SOS1: variants seen among roughly 807,000 people sequenced by gnomAD.
SOS1 encodes the protein SOS Ras/Rac guanine nucleotide exchange factor 1.
Under a neutral mutation model 157.6 loss-of-function variants are expected in SOS1, and 25 were observed. The ratio of observed to expected loss-of-function variants is 0.16; its 90% CI spans 0.12 to 0.22. The LOEUF (loss-of-function observed/expected upper bound fraction) is 0.22. Among genes scored for constraint, SOS1 ranks in the 10% least tolerant of loss-of-function variants. The pLI is 1.00. For missense variants in SOS1, 1,237 were observed against 1,599.1 expected, an observed-to-expected ratio of 0.77 and a Z score of 3.86; for synonymous variants, 528 against 534.0, an observed-to-expected ratio of 0.99 and a Z score of 0.16.
intron 17 of SOS1, among the ~76,000 whole-genome samples, chr2:39,006,178 A>AC (rs1669277614): frequency 1.3e-5 from 2 of 152,210 alleles, no homozygotes; most frequent in African/African-American, 4.8e-5. Context: ...ATATAAAAAC[A>AC]CAAGTATTAA....
At chr2:39,010,736 C>G (rs372029633) in intron 14 of SOS1, 33 bp from the exon 15 acceptor site, 3 of 1,557,504 alleles carry the variant, frequency 1.9e-6, no homozygotes, top group Non-Finnish European at 2.7e-6. Flanking sequence ...CTACATGACA[C>G]TTTTTTCTCT....
intron 1 of SOS1, among the ~76,000 whole-genome samples, chr2:39,117,760 CGGA>C (rs1673708496): frequency 6.6e-6 from 1 of 151,958 alleles, no homozygotes. Flanking sequence ...TTAGAGAAGT[CGGA>C]GGAGGAATAG....
At position 39,022,973 on chromosome 2, in the gene SOS1, A is replaced by G. The variant is rs1572830513; in HGVS notation, c.1455T>C (p.Asn485=). 1 of 1,613,848 alleles carries G rather than the reference A, an allele frequency of 6.2e-7. No individual in the cohort carries two copies. The highest frequency in any genetic ancestry group is 8.5e-7 in the Non-Finnish European group (1 of 1,179,836). ...HGQPRLPGAS[N]AEYRLKEKFF... ...ACTTTTCTTTAAGACGATATTCTGCATTGCTAGCACCAGGAAGTCTTGGCT... is the reference window on the plus strand; with the variant it reads ...ACTTTTCTTTAAGACGATATTCTGCGTTGCTAGCACCAGGAAGTCTTGGCT... The change falls in exon 10 of 23, where the codon AAT becomes AAC. Residue 485 remains asparagine (N), a synonymous_variant. Transcript: ENST00000402219.
chr2:38,984,082 A>G lies in SOS1; in HGVS notation c.*1742T>C, dbSNP rs1246967113. The G allele has an allele frequency of 6.6e-6, 1 of 152,122 alleles. No individual in the cohort carries two copies. The highest frequency in any genetic ancestry group is 2.1e-4 in the South Asian group (1 of 4,832). The allele number at this position is 152,122 out of a possible 1,614,324, so 9.4% of individuals were successfully genotyped here. ...TACATTTTATGCTCTAATAAATATC[A>G]TAGGAAATTATTAAAGTACTAGGTT... On this transcript the variant is annotated 3_prime_UTR_variant, in exon 23 of 23. Coordinates refer to ENST00000402219, the MANE Select transcript of SOS1 (RefSeq NM_005633.4).
At position 39,051,284 on chromosome 2, in the gene SOS1, C is replaced by T; in HGVS notation, c.724G>A (p.Val242Ile). 6.2e-7 allele frequency: 1 copy of T among 1,610,820 alleles called. No individual in the cohort carries two copies. Among genetic ancestry groups the T allele is most frequent in the Non-Finnish European group, 8.5e-7 (1 of 1,177,394 alleles). The change falls in exon 6 of 23, where the codon GTA (valine) becomes ATA (isoleucine). Residue 242 changes from valine (V) to isoleucine (I), a missense_variant. Val to Ile is a conservative substitution (Grantham distance 29, BLOSUM62 3). This residue lies in a region of SOS1 where 108 missense variants were observed against 115.3 expected (regional missense o/e 0.94). Coordinates refer to ENST00000402219, the MANE Select transcript of SOS1 (RefSeq NM_005633.4). ...ACTATGCGACTAAATATATTTTCTA[C>T]ATCCTGTTTGGGGGAAAACACATTA... ...SNSKLFSANDVENIFSRIVDI... is the reference protein window; with the variant it reads ...SNSKLFSANDIENIFSRIVDI...
intron 2 of SOS1, among the ~76,000 whole-genome samples, chr2:39,066,529 G>GT (rs1444029998): frequency 6.6e-6 from 1 of 152,182 alleles, no homozygotes; most frequent in Non-Finnish European, 1.5e-5. Flanking sequence ...CAGTTTAGAT[G>GT]TATCTTTTTC....
At chr2:39,047,622 A>C (rs1050992872) in intron 6 of SOS1, among the ~76,000 whole-genome samples, 214 of 152,304 alleles carry the variant, frequency 1.4e-3, no homozygotes, top group African/African-American at 5.0e-3. Context: ...AAACAAAAAA[A>C]CCCTGAAGTT....
chr2:39,073,378 T>C (rs1210488382), intron 1 of SOS1, among the ~76,000 whole-genome samples: 1 of 152,238 alleles, frequency 6.6e-6, no homozygotes, highest in African/African-American at 2.4e-5. Flanking sequence ...ATTTTATACT[T>C]ATGTTTACTG....
At chr2:39,108,534 C>G (rs903871242) in intron 1 of SOS1, among the ~76,000 whole-genome samples, 2 of 152,196 alleles carry the variant, frequency 1.3e-5, no homozygotes, top group Non-Finnish European at 2.9e-5. Flanking sequence ...CTGGCTAACT[C>G]TCATTTCCAT....
chr2:39,123,039 A>T (rs112833219), upstream of SOS1, among the ~76,000 whole-genome samples: 1,545 of 152,096 alleles, frequency 0.01, 9 homozygotes, highest in Middle Eastern at 0.027. Context: ...ATGTTTTCTC[A>T]CCATTCACAA....
At chr2:39,014,719 T>A in intron 11 of SOS1, 46 bp downstream of exon 11, 1 of 1,094,296 alleles carries the variant, frequency 9.1e-7, no homozygotes, top group South Asian at 1.4e-5. Flanking sequence ...TCAATCTCTT[T>A]TTTAACAAAA....
chr2:39,117,166 T>C (rs1673682787), intron 1 of SOS1, among the ~76,000 whole-genome samples: 1 of 151,994 alleles, frequency 6.6e-6, no homozygotes, highest in Non-Finnish European at 1.5e-5. Flanking sequence ...GTAGCTGGGA[T>C]TACAGGTGCC....
chr2:39,057,382 G>A (rs375717695), intron 3 of SOS1, among the ~76,000 whole-genome samples: 1 of 152,078 alleles, frequency 6.6e-6, no homozygotes, highest in Admixed American at 6.5e-5. Flanking sequence ...TTCATGTTAT[G>A]TCCTACTGAA....
At chr2:39,102,864 A>G (rs1319942833) in intron 1 of SOS1, among the ~76,000 whole-genome samples, 1 of 152,116 alleles carries the variant, frequency 6.6e-6, no homozygotes, top group Non-Finnish European at 1.5e-5. Context: ...CTGAGATGGG[A>G]AGATTGCTGG....
chr2:39,095,681 C>G (rs376513662), intron 1 of SOS1, among the ~76,000 whole-genome samples: 121 of 152,268 alleles, frequency 7.9e-4, no homozygotes, highest in African/African-American at 2.9e-3. Context: ...GTACTTGCTT[C>G]TGAGATAAAA....
chr2:39,081,160 CAAAAACAAGAACA>C (rs1371706698), intron 1 of SOS1, among the ~76,000 whole-genome samples: 1 of 151,996 alleles, frequency 6.6e-6, no homozygotes, highest in East Asian at 1.9e-4. Context: ...GACCCTGTCT[CAAAAACAAGAACA>C]AAAAATAATT....
At chr2:39,054,293 T>A (rs1442402065) in intron 5 of SOS1, among the ~76,000 whole-genome samples, 1 of 152,256 alleles carries the variant, frequency 6.6e-6, no homozygotes, top group Non-Finnish European at 1.5e-5. Flanking sequence ...CAGTTGGCAT[T>A]GATGAAGTGT....
chr2:39,012,372 A>G (rs908806200), intron 13 of SOS1, 24 bp from the exon 14 acceptor site: 4 of 1,133,532 alleles, frequency 3.5e-6, no homozygotes, highest in African/African-American at 1.6e-5. Flanking sequence ...TATTTTAAAT[A>G]ACATTTAAAT....
At chr2:39,025,011 G>T (rs1197132797) in intron 8 of SOS1, among the ~76,000 whole-genome samples, 3 of 152,166 alleles carry the variant, frequency 2.0e-5, no homozygotes, top group Non-Finnish European at 4.4e-5. Flanking sequence ...AATACAGTAA[G>T]GTGGCTATGA....
Sources: gnomAD v4.1 joint callset for allele counts (sites outside exome capture counted in the v4.1 genomes callset) on GRCh38, gnomAD v4.1.1 for gene constraint, gnomAD v4.1.1 regional missense constraint, MANE v1.5 for transcripts, NCBI Gene and HGNC (gene_info 2026-07-23, HGNC 2026-07-21) for gene names.